Variants in PGCKA1 observed in about 807,000 individuals in gnomAD.
PGCKA1 encodes the protein PDCD10 and GCKIII kinases associated 1.
the PGCKA1 span, among the ~76,000 whole-genome samples, chr4:37,513,180 T>C: frequency 6.6e-6 from 1 of 152,166 alleles, no homozygotes; most frequent in African/African-American, 2.4e-5. Flanking sequence ...TTAAACTCCT[T>C]ATGCTTATTA....
At chr4:37,571,919 G>T in the PGCKA1 span, among the ~76,000 whole-genome samples, 3 of 148,794 alleles carry the variant, frequency 2.0e-5, no homozygotes, top group African/African-American at 5.0e-5. Flanking sequence ...GACGTGAGCC[G>T]CCACACACAG....
chr4:37,588,786 CTT>C, the PGCKA1 span: 1 of 1,270,268 alleles, frequency 7.9e-7, no homozygotes, highest in Non-Finnish European at 1.1e-6. Flanking sequence ...AAAAGGCAAA[CTT>C]AATTCCTACT....
the PGCKA1 span, among the ~76,000 whole-genome samples, chr4:37,500,171 G>T: frequency 6.6e-6 from 1 of 151,956 alleles, no homozygotes; most frequent in Middle Eastern, 3.2e-3. Flanking sequence ...TGATCTGTCC[G>T]CCTCAGCCTC....
chr4:37,487,505 C>T, the PGCKA1 span, among the ~76,000 whole-genome samples: 364 of 152,204 alleles, frequency 2.4e-3, 2 homozygotes, highest in East Asian at 1.9e-3. Context: ...TCATCCTACC[C>T]TGGTATAATT....
the PGCKA1 span, among the ~76,000 whole-genome samples, chr4:37,516,760 A>G: frequency 6.6e-6 from 1 of 152,310 alleles, no homozygotes; most frequent in South Asian, 2.1e-4. Context: ...AAAAGCAAAT[A>G]TGTGTTGATA....
chr4:37,464,283 AG>A, the PGCKA1 span, among the ~76,000 whole-genome samples: 2 of 152,188 alleles, frequency 1.3e-5, no homozygotes, highest in African/African-American at 4.8e-5. Flanking sequence ...GACGGTAATG[AG>A]GGCTGGACTC....
At chr4:37,544,081 T>C in the PGCKA1 span, among the ~76,000 whole-genome samples, 1 of 152,344 alleles carries the variant, frequency 6.6e-6, no homozygotes, top group South Asian at 2.1e-4. Flanking sequence ...GATATATGGA[T>C]GATAAACGTT....
the PGCKA1 span, chr4:37,591,280 G>C: frequency 3.2e-6 from 1 of 316,104 alleles, no homozygotes; most frequent in Non-Finnish European, 5.9e-6. Context: ...AAGTTGAACA[G>C]CTTGCTTGAC....
the PGCKA1 span, among the ~76,000 whole-genome samples, chr4:37,467,387 A>G: frequency 6.6e-6 from 1 of 152,190 alleles, no homozygotes; most frequent in Non-Finnish European, 1.5e-5. Flanking sequence ...TGCAACTCTC[A>G]TGTTTACTTT....
the PGCKA1 span, among the ~76,000 whole-genome samples, chr4:37,555,453 C>G: frequency 6.6e-6 from 1 of 152,158 alleles, no homozygotes; most frequent in African/African-American, 2.4e-5. Context: ...CTTGCATGGC[C>G]CTGGATAAGT....
At chr4:37,588,346 C>T in the PGCKA1 span, 1 of 154,686 alleles carries the variant, frequency 6.5e-6, no homozygotes, top group African/African-American at 2.4e-5. Flanking sequence ...TCCTCAGGGC[C>T]TGAATCATGG....
At chr4:37,528,662 C>T in the PGCKA1 span, among the ~76,000 whole-genome samples, 1 of 152,110 alleles carries the variant, frequency 6.6e-6, no homozygotes, top group Non-Finnish European at 1.5e-5. Context: ...GAGAGGAGGA[C>T]ACCCATATTG....
the PGCKA1 span, among the ~76,000 whole-genome samples, chr4:37,562,199 G>A: frequency 0.45 from 68,282 of 151,750 alleles, 16,145 homozygotes; most frequent in South Asian, 0.54. Flanking sequence ...AGCACCATGA[G>A]TATTGATTTG....
At chr4:37,489,191 T>C in the PGCKA1 span, among the ~76,000 whole-genome samples, 2 of 152,232 alleles carry the variant, frequency 1.3e-5, no homozygotes, top group South Asian at 4.1e-4. Flanking sequence ...ATATGATGTC[T>C]GTAGTTAACA....
the PGCKA1 span, among the ~76,000 whole-genome samples, chr4:37,522,104 C>A: frequency 6.6e-6 from 1 of 152,038 alleles, no homozygotes; most frequent in Admixed American, 6.6e-5. Context: ...CACTCAAGGC[C>A]CTGGAGCTCT....
chr4:37,573,183 C>T, the PGCKA1 span, among the ~76,000 whole-genome samples: 1 of 152,150 alleles, frequency 6.6e-6, no homozygotes, highest in African/African-American at 2.4e-5. Flanking sequence ...AAATGACTTT[C>T]ATTACAAAAG....
chr4:37,556,463 T>G, the PGCKA1 span, among the ~76,000 whole-genome samples: 1 of 151,844 alleles, frequency 6.6e-6, no homozygotes, highest in Non-Finnish European at 1.5e-5. Flanking sequence ...GAGACGGGGT[T>G]TCACCATGTT....
At chr4:37,564,077 C>A in the PGCKA1 span, among the ~76,000 whole-genome samples, 1 of 151,822 alleles carries the variant, frequency 6.6e-6, no homozygotes, top group Non-Finnish European at 1.5e-5. Flanking sequence ...GGTCGAGACC[C>A]GCCTGGCCAA....
At chr4:37,529,743 T>G in the PGCKA1 span, among the ~76,000 whole-genome samples, 2 of 152,192 alleles carry the variant, frequency 1.3e-5, no homozygotes. Flanking sequence ...GGTGTTTTCG[T>G]CTGTAGCCGC....
Sources: allele counts gnomAD v4.1 joint callset (sites outside exome capture counted in the v4.1 genomes callset), GRCh38; gene constraint gnomAD v4.1.1; transcripts MANE v1.5; gene names NCBI Gene and HGNC (gene_info 2026-07-23, HGNC 2026-07-21).